PVT1: variants seen among roughly 807,000 people sequenced by gnomAD.
The protein encoded by PVT1 is Pvt1 oncogene, also known as CXCR4/PVT1 fusion.
intron 4 of PVT1, among the ~76,000 whole-genome samples, chr8:128,065,256 A>G (rs1813891200): frequency 6.6e-6 from 1 of 151,444 alleles, no homozygotes; most frequent in Non-Finnish European, 1.5e-5. Flanking sequence ...CAGTGGTGTG[A>G]TCTCAGCTCA....
chr8:127,894,279 G>A (rs754414587), intron 3 of PVT1, among the ~76,000 whole-genome samples: 20 of 152,198 alleles, frequency 1.3e-4, no homozygotes, highest in Non-Finnish European at 1.2e-4. Flanking sequence ...TGAGGGAAAG[G>A]CTGTGACTTG....
At chr8:127,989,822 G>A (rs1817010684) in intron 4 of PVT1, among the ~76,000 whole-genome samples, 1 of 152,054 alleles carries the variant, frequency 6.6e-6, no homozygotes, top group Admixed American at 6.5e-5. Flanking sequence ...GGTAGACTTG[G>A]GTTTTCTTGG....
chr8:127,898,905 C>T lies in PVT1; in HGVS notation n.782+7907C>T, dbSNP rs1815723845. 6.6e-6 allele frequency among the ~76,000 whole-genome samples: 1 copy of T among 151,986 alleles called. No homozygotes were observed. The highest frequency in any genetic ancestry group is 1.5e-5 in the Non-Finnish European group (1 of 68,004). On this transcript the variant is annotated intron_variant and non_coding_transcript_variant, in intron 3 of 10. Coordinates refer to ENST00000651587, the Ensembl canonical transcript of PVT1. This position sits in a 1 kb window ranked among gnomAD's most constrained non-coding sequence, Gnocchi z 4.4. ...GGTACTGGACAGAAAGAGTGTGTCC[C>T]ACCTGATTACTGGGAAGTGCAATGG...
intron 2 of PVT1, among the ~76,000 whole-genome samples, chr8:127,818,058 G>A (rs1457430226): frequency 2.0e-5 from 3 of 152,126 alleles, no homozygotes; most frequent in Non-Finnish European, 2.9e-5. Flanking sequence ...CCCGGGTCCA[G>A]TTTACTTCCC....
intron 4 of PVT1, among the ~76,000 whole-genome samples, chr8:128,042,372 T>A (rs1326265999): frequency 1.3e-5 from 2 of 152,192 alleles, no homozygotes; most frequent in Non-Finnish European, 2.9e-5. Flanking sequence ...AGAATAATAT[T>A]GAGCAAGAGT....
At chr8:127,850,436 CG>C (rs1306641817) in intron 2 of PVT1, among the ~76,000 whole-genome samples, 12 of 152,140 alleles carry the variant, frequency 7.9e-5, no homozygotes, top group African/African-American at 2.9e-4. Context: ...TATGATGCCA[CG>C]GCCCTGGTTC....
At chr8:128,032,525 T>C (rs954813260) in intron 4 of PVT1, among the ~76,000 whole-genome samples, 5 of 152,234 alleles carry the variant, frequency 3.3e-5, no homozygotes, top group Non-Finnish European at 7.3e-5. Flanking sequence ...GGGATATGCA[T>C]ATTATATTTC....
intron 4 of PVT1, among the ~76,000 whole-genome samples, chr8:127,989,840 A>G (rs1003474776): frequency 2.0e-5 from 3 of 152,084 alleles, no homozygotes; most frequent in Admixed American, 6.5e-5. Context: ...TGGTTTTGCT[A>G]CTTGCCTCAT....
chr8:128,008,031 T>G (rs1368801535), intron 4 of PVT1, among the ~76,000 whole-genome samples: 1 of 152,250 alleles, frequency 6.6e-6, no homozygotes, highest in African/African-American at 2.4e-5. Flanking sequence ...AGAAATTTAT[T>G]ACTAAGATTG....
chr8:127,859,452 A>T (rs1815195963), intron 2 of PVT1, among the ~76,000 whole-genome samples: 1 of 152,056 alleles, frequency 6.6e-6, no homozygotes, highest in Non-Finnish European at 1.5e-5. Flanking sequence ...CTGTTTTTGG[A>T]GCTTGCTTCC....
At chr8:127,916,628 G>A (rs188038292) in intron 3 of PVT1, among the ~76,000 whole-genome samples, 1 of 152,276 alleles carries the variant, frequency 6.6e-6, no homozygotes, top group East Asian at 1.9e-4. Flanking sequence ...CTCATAGTAG[G>A]AATTATTCCC....
chr8:128,005,030 C>T (rs1817229337), intron 4 of PVT1, among the ~76,000 whole-genome samples: 1 of 152,026 alleles, frequency 6.6e-6, no homozygotes, highest in South Asian at 2.1e-4. Flanking sequence ...ATCCCAGCTA[C>T]TCGGGAGGCT....
At chr8:127,930,899 T>C (rs1816197915) in intron 3 of PVT1, among the ~76,000 whole-genome samples, 2 of 152,110 alleles carry the variant, frequency 1.3e-5, no homozygotes, top group African/African-American at 4.8e-5. Context: ...CAGCAAGATA[T>C]TGATGGGGTT....
chr8:127,800,267 C>T (rs77423602), intron 2 of PVT1, among the ~76,000 whole-genome samples: 7,158 of 152,116 alleles, frequency 0.047, 232 homozygotes, highest in African/African-American at 0.082. Flanking sequence ...GCATTCATTT[C>T]CTGAGCAGTT....
At chr8:127,867,962 C>T (rs1363266167) in intron 2 of PVT1, among the ~76,000 whole-genome samples, 2 of 152,222 alleles carry the variant, frequency 1.3e-5, no homozygotes, top group East Asian at 3.8e-4. Context: ...ACAGCACAGC[C>T]CCCGGGGCAT....
At chr8:127,881,092 C>G (rs73357048) in intron 2 of PVT1, among the ~76,000 whole-genome samples, 2 of 152,216 alleles carry the variant, frequency 1.3e-5, no homozygotes, top group African/African-American at 4.8e-5. Context: ...TGGTTCTATA[C>G]TGGCTGCTTG....
chr8:128,001,790 C>G (rs1343967600), intron 4 of PVT1, among the ~76,000 whole-genome samples: 5 of 152,168 alleles, frequency 3.3e-5, no homozygotes, highest in Non-Finnish European at 7.4e-5. Flanking sequence ...TGGTGAGAAC[C>G]TGCTTCTTGG....
intron 4 of PVT1, among the ~76,000 whole-genome samples, chr8:128,037,424 C>T (rs190080024): frequency 6.6e-6 from 1 of 152,294 alleles, no homozygotes; most frequent in African/African-American, 2.4e-5. Context: ...CTTTTCCCCA[C>T]CTGGAAATGC....
intron 3 of PVT1, among the ~76,000 whole-genome samples, chr8:127,949,736 C>A (rs1040882894): frequency 6.6e-6 from 1 of 152,180 alleles, no homozygotes; most frequent in Non-Finnish European, 1.5e-5. Flanking sequence ...CTAGAGTCCC[C>A]GCCTCTTTTA....
Sources: gnomAD v4.1 joint callset for allele counts (sites outside exome capture counted in the v4.1 genomes callset) on GRCh38, gnomAD v4.1.1 for gene constraint, Gnocchi (gnomAD v3.1) non-coding constraint, MANE v1.5 for transcripts, NCBI Gene and HGNC (gene_info 2026-07-23, HGNC 2026-07-21) for gene names.